The following TEX15 variants were observed in gnomAD, a reference collection of about 807,000 sequenced individuals.
TEX15 encodes the protein testis expressed 15, meiosis and synapsis associated, also known as testis-expressed protein 15.
Under a neutral mutation model 237.3 loss-of-function variants are expected in TEX15, and 171 were observed. The observed-to-expected ratio is 0.72, with a 90% CI of 0.64 to 0.82. The LOEUF is 0.82. Among genes scored for constraint, TEX15 ranks in the 40% least tolerant of loss-of-function variants. TEX15 has a pLI of 0.00. For missense variants in TEX15, 3,750 were observed against 3,646.5 expected (o/e 1.03, Z -0.73); for synonymous variants, 1,338 against 1,269.8 (o/e 1.05, Z -1.14).
intron 7 of TEX15, among the ~76,000 whole-genome samples, chr8:30,851,563 C>T (rs898365484): frequency 1.7e-4 from 26 of 151,600 alleles, no homozygotes; most frequent in African/African-American, 4.6e-4. Context: ...ACCCGTGAGG[C>T]GGAGGTTGCA....
intron 7 of TEX15, among the ~76,000 whole-genome samples, chr8:30,850,633 T>C (rs1483338798): frequency 9.9e-5 from 15 of 151,978 alleles, no homozygotes; most frequent in Admixed American, 7.2e-4. Context: ...GGGAGTATAA[T>C]GGAGAAGAAA....
chr8:30,867,511 A>G lies in TEX15; in HGVS notation c.303-9T>C, dbSNP rs778700138. ...TTTCACGCATCTCTGACCTAAAGTA[A>G]AACAAACAATGTATACAGTTAAAGA... On this transcript the variant is annotated splice_polypyrimidine_tract_variant and intron_variant, in intron 4 of 10. Coordinates refer to ENST00000643185, the MANE Select transcript of TEX15 (RefSeq NM_001350162.2). The G allele has an allele frequency of 2.2e-5, 33 of 1,479,270 alleles. No homozygotes were observed. In the Middle Eastern group the frequency reaches 6.8e-4, roughly 30 times the overall value. 91.6% of individuals were successfully genotyped at this position (1,479,270 alleles called of 1,614,324 possible). A position where few individuals can be genotyped will look rare whatever the true frequency, so the allele number is the denominator to read the frequency against.
At chr8:30,840,429 C>T (rs1807424666) in intron 8 of TEX15, among the ~76,000 whole-genome samples, 1 of 152,142 alleles carries the variant, frequency 6.6e-6, no homozygotes, top group Admixed American at 6.5e-5. Context: ...CTCCTGACCT[C>T]AGGTGATCCA....
rs1314264251 is a variant in TEX15, at chr8:30,847,769, T to G, written c.2398A>C (p.Thr800Pro). ...TAHDSSNCSITREHICVHRKN... is the reference protein window; with the variant it reads ...TAHDSSNCSIPREHICVHRKN... ...CTATGGACACATATATGTTCTCTAG[T>G]TATGCTGCAATTTGAACTGTCATGA... Residue 800 changes from threonine to proline, a missense_variant, in exon 8 of 11, where the codon ACT becomes CCT. Transcript: ENST00000643185. 1.2e-6 allele frequency: 2 copies of G among 1,613,658 alleles called. No homozygotes were observed. The highest frequency in any genetic ancestry group is 2.2e-5 in the South Asian group (2 of 91,074).
Position 30,909,134 on chromosome 8 carries a change from C to G in TEX15, c.-86+3745G>C, listed in dbSNP as rs2128780442. The stretch of plus-strand genomic sequence containing the variant: ...GTGTAGTTTTAGATTTATATCAGGA[C>G]AAACTAGATACTCAAATCAGTTATT... On this transcript the variant is annotated intron_variant, in intron 1 of 10. Transcript: ENST00000643185. Among the ~76,000 whole-genome samples, 2 of 151,964 alleles carry G rather than the reference C, an allele frequency of 1.3e-5. 1 individual carries two copies. The highest frequency in any genetic ancestry group is 4.8e-5 in the African/African-American group (2 of 41,364).
chr8:30,849,120 T>C lies in TEX15; in HGVS notation c.1047A>G (p.Gly349=). The change falls in exon 8 of 11, where the codon GGA becomes GGG. Residue 349 remains glycine (G), a synonymous_variant. Transcript: ENST00000643185. ...TGTATGTTTCAGGTATAGAAATGTTTCCATTTTGTACATTTCCATAGGAGT... is the reference window on the plus strand; with the variant it reads ...TGTATGTTTCAGGTATAGAAATGTTCCCATTTTGTACATTTCCATAGGAGT... ...ISNSYGNVQN[G]NISIPETYSG... The C allele has an allele frequency of 6.2e-7, 1 of 1,602,084 alleles. No individual in the cohort carries two copies. The highest frequency in any genetic ancestry group is 8.5e-7 in the Non-Finnish European group (1 of 1,174,282).
Position 30,867,468 on chromosome 8 carries a change from C to G in TEX15, c.337G>C (p.Glu113Gln). Residue 113 changes from glutamate to glutamine, a missense_variant, in exon 5 of 11, where the codon GAA becomes CAA. Physicochemically the swap from Glu to Gln is conservative, Grantham distance 29. Transcript: ENST00000643185. ...EMRESGRHCR[E>Q]LEEQFCFLAL... Reference sequence around the variant, plus strand: ...AAAAAGCAGAACTGTTCTTCAAGTTCCCTGCAATGTCTTCCACTTTCACGC... The same window carrying G: ...AAAAAGCAGAACTGTTCTTCAAGTTGCCTGCAATGTCTTCCACTTTCACGC... The G allele has an allele frequency of 6.5e-7, 1 of 1,534,268 alleles. No homozygotes were observed. The highest frequency in any genetic ancestry group is 8.7e-7 in the Non-Finnish European group (1 of 1,145,640).
intron 3 of TEX15, among the ~76,000 whole-genome samples, chr8:30,886,563 A>G (rs1808650211): frequency 6.6e-6 from 1 of 151,460 alleles, no homozygotes; most frequent in Non-Finnish European, 1.5e-5. Context: ...GTGTGATCCT[A>G]CGTGGATCAC....
intron 5 of TEX15, 53 bp downstream of exon 5, chr8:30,867,212 G>A (rs1808191763): frequency 1.2e-6 from 1 of 802,744 alleles, no homozygotes; most frequent in East Asian, 2.7e-5. Context: ...ATATGTTCAG[G>A]TCAATTCAAA....
Position 30,837,282 on chromosome 8 carries a change from T to C in TEX15, c.9002A>G (p.Asn3001Ser). The change falls in exon 10 of 11, where the codon AAT (asparagine) becomes AGT (serine). Residue 3001 changes from asparagine to serine, a missense_variant. Asn to Ser is a conservative substitution (Grantham distance 46). Transcript: ENST00000643185. ...CATTAGGACTTTTGAATTTTTGTCATTCTGTTGTTCAGAAAGAGAGTACTC... is the reference window on the plus strand; with the variant it reads ...CATTAGGACTTTTGAATTTTTGTCACTCTGTTGTTCAGAAAGAGAGTACTC... ...GAEYSLSEQQ[N>S]DKNSKVLMQN... 6.2e-7 allele frequency: 1 copy of C among 1,614,216 alleles called. No homozygotes were observed. Among genetic ancestry groups the C allele is most frequent in the South Asian group, 1.1e-5 (1 of 91,084 alleles).
At position 30,844,935 on chromosome 8, in the gene TEX15, AG is replaced by A. The variant is rs1807559755; in HGVS notation, c.5231del (p.Thr1744MetfsTer2). The A allele has an allele frequency of 1.9e-6, 3 of 1,613,512 alleles. No homozygotes were observed. In the East Asian group the frequency reaches 6.7e-5, roughly 36 times the overall value. On this transcript the variant is annotated frameshift_variant, in exon 8 of 11. Transcript: ENST00000643185. LOFTEE classifies it high-confidence loss of function. ...TACTGGATGCTGCAAAAGAATCTAC[AG>A]TAAGAATTCTCTGCTTATCCAAGTA... is the stretch of plus-strand genomic sequence containing the variant. ...KSYLDKQRIL[T>X]VDSFAASSTV...
chr8:30,908,311 C>T (rs770879445), intron 1 of TEX15, among the ~76,000 whole-genome samples: 1 of 152,150 alleles, frequency 6.6e-6, no homozygotes, highest in South Asian at 2.1e-4. Flanking sequence ...CCTCCTGCCT[C>T]GGCATCCCAA....
rs765358394 is a variant in TEX15 at position 30,842,695 on chromosome 8, T to A, written c.7472A>T (p.Lys2491Ile). ...TTTAAGAAATGAAAAAGAAGCCATT[T>A]TTTCTTGGCACTGAACCAGCTCAGG... ...LLPELVQCQE[K>I]MASFSFLKDN... The change falls in exon 8 of 11, where the codon AAA (lysine) becomes ATA (isoleucine). Residue 2491 changes from lysine (K) to isoleucine (I), a missense_variant. By Grantham distance (102) the Lys-to-Ile change is moderately radical. Coordinates refer to ENST00000643185, the MANE Select transcript of TEX15 (RefSeq NM_001350162.2). 6.2e-7 allele frequency: 1 copy of A among 1,613,210 alleles called. No individual in the cohort carries two copies. The highest frequency in any genetic ancestry group is 8.5e-7 in the Non-Finnish European group (1 of 1,179,816).
intron 10 of TEX15, among the ~76,000 whole-genome samples, chr8:30,836,454 T>C (rs1202087727): frequency 2.0e-5 from 3 of 151,948 alleles, no homozygotes; most frequent in African/African-American, 7.3e-5. Context: ...CCTCGTGATC[T>C]GCCCCCCTCG....
At chr8:30,835,023 CT>C (rs1807260339) in intron 10 of TEX15, among the ~76,000 whole-genome samples, 1 of 152,166 alleles carries the variant, frequency 6.6e-6, no homozygotes, top group Non-Finnish European at 1.5e-5. Context: ...TAATCCCACA[CT>C]TTGCAAGGCA....
rs1288851433 is a variant in TEX15, at chr8:30,843,941, G to A, written c.6226C>T (p.Leu2076Phe). The A allele has an allele frequency of 6.2e-7, 1 of 1,612,900 alleles. No individual in the cohort carries two copies. The highest frequency in any genetic ancestry group is 8.5e-7 in the Non-Finnish European group (1 of 1,179,620). ...KPCAVDTLVE[L>F]QMMMETIQFI... ...TGAATTGTTTCCATCATCATTTGAA[G>A]TTCTACCAAAGTGTCAACAGCACAT... is the stretch of plus-strand genomic sequence containing the variant. The change falls in exon 8 of 11, where the codon CTT (leucine) becomes TTT (phenylalanine). Residue 2076 changes from leucine to phenylalanine, a missense_variant. By Grantham distance (22) the Leu-to-Phe change is conservative. Coordinates refer to ENST00000643185, the MANE Select transcript of TEX15 (RefSeq NM_001350162.2).
At chr8:30,900,369 T>G (rs1362512140) in intron 1 of TEX15, among the ~76,000 whole-genome samples, 1 of 152,254 alleles carries the variant, frequency 6.6e-6, no homozygotes, top group African/African-American at 2.4e-5. Flanking sequence ...TTCTGAGTAC[T>G]GTGATAGTGA....
intron 7 of TEX15, among the ~76,000 whole-genome samples, chr8:30,851,631 C>T (rs1807786339): frequency 6.7e-6 from 1 of 149,234 alleles, no homozygotes; most frequent in Non-Finnish European, 1.5e-5. Context: ...GACTCTGTCT[C>T]AAGGAAAAAG....
At chr8:30,907,530 TTATA>T (rs1451113365) in intron 1 of TEX15, among the ~76,000 whole-genome samples, 7 of 145,602 alleles carry the variant, frequency 4.8e-5, no homozygotes, top group Non-Finnish European at 7.5e-5. Context: ...TATATACAAA[TTATA>T]TATAAAATGT....
Sources: allele counts gnomAD v4.1 joint callset (sites outside exome capture counted in the v4.1 genomes callset), GRCh38; gene constraint gnomAD v4.1.1; transcripts MANE v1.5; gene names NCBI Gene and HGNC (gene_info 2026-07-23, HGNC 2026-07-21).